The following MSANTD7 variants were observed in gnomAD, a reference collection of about 807,000 sequenced individuals.
MSANTD7 encodes Myb/SANT DNA binding domain containing 7.
chr10:14,844,161 G>A, the MSANTD7 span: 7 of 1,286,108 alleles, frequency 5.4e-6, no homozygotes, highest in Non-Finnish European at 6.9e-6. Flanking sequence ...TGTCACAGAT[G>A]TGAAGCAGTT....
At chr10:14,840,385 T>C in the MSANTD7 span, among the ~76,000 whole-genome samples, 1 of 152,196 alleles carries the variant, frequency 6.6e-6, no homozygotes, top group South Asian at 2.1e-4. Context: ...ACAGGTCAAT[T>C]TGGTAATTTG....
At chr10:14,841,530 C>T in the MSANTD7 span, among the ~76,000 whole-genome samples, 1 of 152,170 alleles carries the variant, frequency 6.6e-6, no homozygotes, top group South Asian at 2.1e-4. Flanking sequence ...GTGTCACAAC[C>T]AAGATGCTCA....
At chr10:14,845,220 A>C in the MSANTD7 span, 2 of 985,150 alleles carry the variant, frequency 2.0e-6, no homozygotes, top group Non-Finnish European at 2.4e-6. Flanking sequence ...ACTAACTTAA[A>C]GCTTTTAGTG....
At chr10:14,846,908 A>G in the MSANTD7 span, 1 of 985,442 alleles carries the variant, frequency 1.0e-6, no homozygotes, top group Non-Finnish European at 1.2e-6. Context: ...TCCATCATGT[A>G]AATAAGGTGC....
chr10:14,844,066 A>G, the MSANTD7 span: 1 of 1,431,652 alleles, frequency 7.0e-7, no homozygotes, highest in Non-Finnish European at 9.1e-7. Context: ...ATTCTCCACC[A>G]AATGGAAGAC....
At chr10:14,846,385 G>C in the MSANTD7 span, 2 of 985,252 alleles carry the variant, frequency 2.0e-6, no homozygotes, top group Non-Finnish European at 2.4e-6. Context: ...ATTAATATTT[G>C]GATGTGGTAT....
the MSANTD7 span, chr10:14,845,841 C>T: frequency 2.7e-5 from 6 of 225,942 alleles, no homozygotes; most frequent in South Asian, 1.6e-4. Context: ...AGATTACAGG[C>T]GTGAGCCACC....
chr10:14,842,796 T>C, the MSANTD7 span: 1 of 1,536,312 alleles, frequency 6.5e-7, no homozygotes, highest in South Asian at 1.2e-5. The surrounding 1 kb of genome is among the most constrained non-coding windows in gnomAD (Gnocchi z 5.2). Context: ...AGTGACCGGA[T>C]ACGAGAAACC....
At chr10:14,838,797 C>CG in the MSANTD7 span, among the ~76,000 whole-genome samples, 1 of 151,840 alleles carries the variant, frequency 6.6e-6, no homozygotes, top group Non-Finnish European at 1.5e-5. Flanking sequence ...CTGGGTGTCC[C>CG]GGGGGGTCCC....
At chr10:14,842,145 G>A in the MSANTD7 span, 3 of 1,534,426 alleles carry the variant, frequency 2.0e-6, no homozygotes, top group Middle Eastern at 3.3e-4. This position sits in a 1 kb window ranked among gnomAD's most constrained non-coding sequence, Gnocchi z 5.2. Flanking sequence ...CAGAAATGCG[G>A]TCCTTGGACC....
At chr10:14,843,911 G>A in the MSANTD7 span, 1 of 1,535,698 alleles carries the variant, frequency 6.5e-7, no homozygotes, top group Non-Finnish European at 8.7e-7. Context: ...ATTACAAAAG[G>A]CTCTGCTTCC....
the MSANTD7 span, chr10:14,842,496 C>T: frequency 1.3e-6 from 2 of 1,536,162 alleles, no homozygotes; most frequent in South Asian, 2.4e-5. This position sits in a 1 kb window ranked among gnomAD's most constrained non-coding sequence, Gnocchi z 5.2. Context: ...GTTCTGAAGG[C>T]ATTATATTTA....
chr10:14,843,551 C>T, the MSANTD7 span: 11 of 1,550,688 alleles, frequency 7.1e-6, no homozygotes, highest in East Asian at 4.9e-5. Context: ...GTCTCCTCTT[C>T]GAGAGCTGGT....
At chr10:14,843,767 A>G in the MSANTD7 span, 127 of 1,536,266 alleles carry the variant, frequency 8.3e-5, no homozygotes, top group Non-Finnish European at 1.0e-4. Context: ...GATACTGCCA[A>G]TGAGCTCCGC....
At chr10:14,839,620 G>A in the MSANTD7 span, among the ~76,000 whole-genome samples, 1 of 152,034 alleles carries the variant, frequency 6.6e-6, no homozygotes, top group Non-Finnish European at 1.5e-5. Flanking sequence ...AGAGAGGTAG[G>A]AAAGGTAACG....
At chr10:14,839,873 T>A in the MSANTD7 span, 15 of 1,555,206 alleles carry the variant, frequency 9.6e-6, no homozygotes, top group Admixed American at 2.0e-4. Flanking sequence ...ATACGTCTAA[T>A]GAGACTATGT....
At chr10:14,846,315 C>T in the MSANTD7 span, 2 of 985,316 alleles carry the variant, frequency 2.0e-6, no homozygotes, top group African/African-American at 1.7e-5. Context: ...TTAATGGTAG[C>T]AAAGTGCATA....
the MSANTD7 span, among the ~76,000 whole-genome samples, chr10:14,841,516 TAC>T: frequency 6.6e-6 from 1 of 152,202 alleles, no homozygotes; most frequent in South Asian, 2.1e-4. Context: ...AAAATTATAG[TAC>T]AGTGTCACAA....
At chr10:14,839,580 A>G in the MSANTD7 span, among the ~76,000 whole-genome samples, 1 of 152,116 alleles carries the variant, frequency 6.6e-6, no homozygotes, top group Non-Finnish European at 1.5e-5. Context: ...CCAAAAAAAA[A>G]AAAAAAAGAA....
Sources: gnomAD v4.1 joint callset for allele counts (sites outside exome capture counted in the v4.1 genomes callset) on GRCh38, gnomAD v4.1.1 for gene constraint, Gnocchi (gnomAD v3.1) non-coding constraint, MANE v1.5 for transcripts, NCBI Gene and HGNC (gene_info 2026-07-23, HGNC 2026-07-21) for gene names.